ADCY9: variants seen among roughly 807,000 people sequenced by gnomAD.
ADCY9 encodes the protein adenylate cyclase type 9.
A neutral mutation model predicts 101.5 loss-of-function variants in ADCY9; 50 were observed. The ratio of observed to expected loss-of-function variants is 0.49; its 90% confidence interval spans 0.39 to 0.62. The LOEUF (loss-of-function observed/expected upper bound fraction) is 0.62, where lower values mean the gene tolerates loss of function less well. Among genes scored for constraint, ADCY9 ranks in the 20% least tolerant of loss-of-function variants. The pLI, the probability that ADCY9 is intolerant of heterozygous loss-of-function variation, is 0.00. For synonymous variants in ADCY9, 905 were observed against 769.3 expected, an observed-to-expected ratio of 1.18 and a Z score of -2.92; for missense variants, 1,662 against 1,800.4, an observed-to-expected ratio of 0.92 and a Z score of 1.39.
At position 4,090,875 on chromosome 16, in the gene ADCY9, C is replaced by G. The variant is rs571160578; in HGVS notation, c.1693+22875G>C. On this transcript the variant is annotated intron_variant, in intron 2 of 10. Coordinates refer to ENST00000294016, the MANE Select transcript of ADCY9 (RefSeq NM_001116.4). Reference sequence around the variant, plus strand: ...AAAAAGAGTCTCTAGGCTCTTATATCTACATTATAATTTTTATCCTAATCA... The same window carrying G: ...AAAAAGAGTCTCTAGGCTCTTATATGTACATTATAATTTTTATCCTAATCA... Among the ~76,000 whole-genome samples the G allele has an allele frequency of 6.6e-5, 10 of 151,860 alleles. No individual in the cohort carries two copies. In the South Asian group the frequency reaches 1.5e-3, roughly 22 times the overall value.
At chr16:4,048,387 A>C (rs1400589089) in intron 2 of ADCY9, among the ~76,000 whole-genome samples, 1 of 152,220 alleles carries the variant, frequency 6.6e-6, no homozygotes, top group Non-Finnish European at 1.5e-5. Flanking sequence ...TGTGAAACAC[A>C]ACAGTTTATT....
intron 2 of ADCY9, among the ~76,000 whole-genome samples, chr16:4,044,816 C>G (rs1409748762): frequency 6.6e-6 from 1 of 152,178 alleles, no homozygotes; most frequent in African/African-American, 2.4e-5. Context: ...GCCACATCAG[C>G]ACTCCAGGCA....
At chr16:4,052,395 A>G (rs2056707540) in intron 2 of ADCY9, among the ~76,000 whole-genome samples, 1 of 152,162 alleles carries the variant, frequency 6.6e-6, no homozygotes, top group African/African-American at 2.4e-5. Flanking sequence ...TAGGAAACCC[A>G]CACAGGAGAA....
chr16:4,094,273 G>A (rs1466912394), intron 2 of ADCY9, among the ~76,000 whole-genome samples: 1 of 152,144 alleles, frequency 6.6e-6, no homozygotes, highest in Non-Finnish European at 1.5e-5. Context: ...ACAGCAGCAG[G>A]TTCGGAATCA....
At chr16:4,043,870 A>C (rs183772509) in intron 2 of ADCY9, among the ~76,000 whole-genome samples, 10 of 152,314 alleles carry the variant, frequency 6.6e-5, no homozygotes, top group Admixed American at 1.3e-4. Context: ...AAGTTCATTA[A>C]AAAATAACAT....
intron 2 of ADCY9, among the ~76,000 whole-genome samples, chr16:4,057,040 C>CA (rs1221189138): frequency 3.6e-5 from 1 of 27,924 alleles, no homozygotes; most frequent in Non-Finnish European, 7.1e-5. Context: ...ATGAAACCGC[C>CA]CCCCCCCCCC....
intron 3 of ADCY9, among the ~76,000 whole-genome samples, chr16:4,006,241 C>G (rs2141719511): frequency 6.6e-6 from 1 of 152,250 alleles, no homozygotes; most frequent in African/African-American, 2.4e-5. Context: ...TGCCAGCCAT[C>G]TGACAGTGCA....
At chr16:3,962,301 C>T (rs572858971), downstream of ADCY9, among the ~76,000 whole-genome samples, 39 of 152,206 alleles carry the variant, frequency 2.6e-4, no homozygotes, top group Non-Finnish European at 1.5e-4. Flanking sequence ...ACTTTTTCCC[C>T]CTCAATTCCT....
chr16:4,115,599 C>T lies in ADCY9; in HGVS notation c.-44+91G>A. 1 of 869,080 alleles carries T rather than the reference C, an allele frequency of 1.2e-6. No individual in the cohort carries two copies. The highest frequency in any genetic ancestry group is 1.7e-6 in the Non-Finnish European group (1 of 584,934). The allele number at this position is 869,080 out of a possible 1,614,324, so 53.8% of individuals were successfully genotyped here. A position where few individuals can be genotyped will look rare whatever the true frequency, so the allele number is the denominator to read the frequency against. On this transcript the variant is annotated intron_variant, in intron 1 of 10. Coordinates refer to ENST00000294016, the MANE Select transcript of ADCY9 (RefSeq NM_001116.4). The surrounding 1 kb of genome is among the most constrained non-coding windows in gnomAD (Gnocchi z 6.2). ...CTCCAGCACGCGACCTGGACAGGCA[C>T]CATCTGTTCCTGTGGTTCCCGGCTC...
chr16:4,076,617 A>G (rs1358588428), intron 2 of ADCY9, among the ~76,000 whole-genome samples: 1 of 152,132 alleles, frequency 6.6e-6, no homozygotes, highest in African/African-American at 2.4e-5. Context: ...GGTTACCAAA[A>G]ACTGACAAGA....
chr16:4,029,385 T>C (rs1462443057), intron 2 of ADCY9, among the ~76,000 whole-genome samples: 1 of 151,720 alleles, frequency 6.6e-6, no homozygotes, highest in Non-Finnish European at 1.5e-5. Context: ...AAAACTAGAG[T>C]GGGAGAAGGT....
intron 2 of ADCY9, among the ~76,000 whole-genome samples, chr16:4,090,372 C>T (rs2056965654): frequency 1.3e-5 from 2 of 152,128 alleles, no homozygotes; most frequent in Admixed American, 6.6e-5. Flanking sequence ...GTAATGCAGA[C>T]ATGTTTACAT....
chr16:4,031,378 T>C (rs985085665), intron 2 of ADCY9, among the ~76,000 whole-genome samples: 3 of 152,132 alleles, frequency 2.0e-5, no homozygotes, highest in Admixed American at 1.3e-4. Context: ...CATATGCACA[T>C]ACATATGTGT....
intron 10 of ADCY9, among the ~76,000 whole-genome samples, chr16:3,967,488 T>C (rs1254546124): frequency 6.6e-6 from 1 of 152,042 alleles, no homozygotes; most frequent in Non-Finnish European, 1.5e-5. Flanking sequence ...ACTCCTGGGC[T>C]CAAACGATCC....
intron 6 of ADCY9, among the ~76,000 whole-genome samples, chr16:3,988,527 G>A (rs74551774): frequency 0.041 from 5,238 of 127,052 alleles, 222 homozygotes; most frequent in Non-Finnish European, 0.067. Context: ...GGCAGGTGTC[G>A]GGGTTCCTTT....
rs1286998720 is a variant in ADCY9, at chr16:3,964,880, G to A, written c.*895C>T. 7 of 148,504 alleles carry A rather than the reference G, an allele frequency of 4.7e-5. No individual in the cohort carries two copies. Among genetic ancestry groups the A allele is most frequent in the Non-Finnish European group, 9.0e-5 (6 of 66,758 alleles). The allele number at this position is 148,504 out of a possible 1,614,324, so 9.2% of individuals were successfully genotyped here. On this transcript the variant is annotated 3_prime_UTR_variant, in exon 11 of 11. Transcript: ENST00000294016. Reference sequence around the variant, plus strand: ...CCCTCCCGGGAGCGCACATGCTTCCGGGTAAATAAATAAATAAATAAATGC... The same window carrying A: ...CCCTCCCGGGAGCGCACATGCTTCCAGGTAAATAAATAAATAAATAAATGC...
At chr16:4,033,429 G>A (rs1597179658) in intron 2 of ADCY9, among the ~76,000 whole-genome samples, 1 of 124,220 alleles carries the variant, frequency 8.1e-6, no homozygotes, top group East Asian at 2.7e-4. Flanking sequence ...TCTCCTTGAA[G>A]TAATTTTTTT....
At chr16:4,009,750 G>A (rs1259227925) in intron 2 of ADCY9, among the ~76,000 whole-genome samples, 1 of 152,208 alleles carries the variant, frequency 6.6e-6, no homozygotes, top group Non-Finnish European at 1.5e-5. Flanking sequence ...TGTCCCAGGC[G>A]ACACCAGACT....
intron 2 of ADCY9, among the ~76,000 whole-genome samples, chr16:4,113,520 A>G (rs1427883087): frequency 6.6e-6 from 1 of 152,104 alleles, no homozygotes; most frequent in East Asian, 1.9e-4. Flanking sequence ...CCTTCCTTCT[A>G]AAGGTCGCGT....
Sources: gnomAD v4.1 joint callset for allele counts (sites outside exome capture counted in the v4.1 genomes callset) on GRCh38, gnomAD v4.1.1 for gene constraint, Gnocchi (gnomAD v3.1) non-coding constraint, MANE v1.5 for transcripts, NCBI Gene and HGNC (gene_info 2026-07-23, HGNC 2026-07-21) for gene names.